Variants in XKR4 observed in about 807,000 individuals in gnomAD.
XKR4 encodes the protein XK-related protein 4.
A neutral mutation model predicts 53.9 loss-of-function variants in XKR4; 12 were observed. That is an observed-to-expected ratio of 0.22 (90% CI 0.14 to 0.36). The LOEUF (loss-of-function observed/expected upper bound fraction) is 0.36, where lower values mean the gene tolerates loss of function less well. Among genes scored for constraint, XKR4 ranks in the 10% least tolerant of loss-of-function variants. The pLI is 1.00. For synonymous variants in XKR4, 354 were observed against 362.4 expected, an observed-to-expected ratio of 0.98 and a Z score of 0.26; for missense variants, 799 against 859.5, an observed-to-expected ratio of 0.93 and a Z score of 0.88.
rs114745058 is a variant in XKR4 at position 55,436,079 on chromosome 8, C to T, written c.1006+78202C>T. ...TTTATTAAGCACACCATTTTTCCTG[C>T]GTATGGAATTCTGTTCTCTCTCAAT... On this transcript the variant is annotated intron_variant, in intron 2 of 2. Coordinates refer to ENST00000327381, the MANE Select transcript of XKR4 (RefSeq NM_052898.2). 5.2e-4 allele frequency among the ~76,000 whole-genome samples: 79 copies of T among 152,234 alleles called. 1 individual carries two copies. Among genetic ancestry groups the T allele is most frequent in the Middle Eastern group, 6.8e-3 (2 of 294 alleles).
At chr8:55,324,674 T>A in intron 1 of XKR4, among the ~76,000 whole-genome samples, 1 of 152,222 alleles carries the variant, frequency 6.6e-6, no homozygotes, top group Non-Finnish European at 1.5e-5. Flanking sequence ...ATGCATTTGA[T>A]TTTGTGTTAG....
chr8:55,139,739 C>T (rs1026089039), intron 1 of XKR4, among the ~76,000 whole-genome samples: 3 of 151,930 alleles, frequency 2.0e-5, no homozygotes, highest in African/African-American at 4.8e-5. Context: ...TCCAATTCCT[C>T]ATTTGCAAAA....
chr8:55,183,118 G>A (rs1241097210), intron 1 of XKR4, among the ~76,000 whole-genome samples: 1 of 151,862 alleles, frequency 6.6e-6, no homozygotes. Flanking sequence ...TTATCCCCAA[G>A]ATTAGTAATT....
intron 1 of XKR4, among the ~76,000 whole-genome samples, chr8:55,334,100 A>T (rs927081937): frequency 6.6e-6 from 1 of 152,142 alleles, no homozygotes; most frequent in Admixed American, 6.5e-5. Context: ...TGAAAGAAGG[A>T]AATGAAAGAC....
intron 1 of XKR4, among the ~76,000 whole-genome samples, chr8:55,303,444 T>C (rs1267464992): frequency 6.6e-6 from 1 of 152,208 alleles, no homozygotes; most frequent in Admixed American, 6.5e-5. Flanking sequence ...TCAAGGATAT[T>C]GGTCTAAAAT....
intron 1 of XKR4, among the ~76,000 whole-genome samples, chr8:55,192,250 T>A (rs897338689): frequency 6.9e-6 from 1 of 145,314 alleles, no homozygotes; most frequent in Non-Finnish European, 1.5e-5. Flanking sequence ...TTTGTTGAAA[T>A]CCTGTGCTAG....
intron 1 of XKR4, among the ~76,000 whole-genome samples, chr8:55,306,539 C>A (rs990375280): frequency 6.6e-6 from 1 of 152,168 alleles, no homozygotes; most frequent in African/African-American, 2.4e-5. Flanking sequence ...AGGAACAAGT[C>A]ACATCACATG....
intron 2 of XKR4, among the ~76,000 whole-genome samples, chr8:55,374,223 A>G (rs953268986): frequency 4.4e-4 from 67 of 152,242 alleles, no homozygotes; most frequent in Non-Finnish European, 4.4e-5. Context: ...TACGATAAAC[A>G]TGCAGTGGGC....
At chr8:55,454,093 G>A (rs1805510758) in intron 2 of XKR4, 2 of 821,914 alleles carry the variant, frequency 2.4e-6, no homozygotes, top group Admixed American at 3.5e-5. Context: ...TATTCAAGGA[G>A]GAGGGGGACG....
chr8:55,310,540 G>A (rs1470293636), intron 1 of XKR4, among the ~76,000 whole-genome samples: 1 of 152,138 alleles, frequency 6.6e-6, no homozygotes, highest in South Asian at 2.1e-4. Context: ...TCTTTTCAAA[G>A]TATCTTTTCA....
intron 1 of XKR4, among the ~76,000 whole-genome samples, chr8:55,331,269 TCTA>T (rs1803381284): frequency 6.6e-6 from 1 of 152,350 alleles, no homozygotes; most frequent in East Asian, 1.9e-4. Flanking sequence ...TTCCAGTTTT[TCTA>T]CTGCCATTGA....
At chr8:55,270,439 C>G (rs563727533) in intron 1 of XKR4, among the ~76,000 whole-genome samples, 1 of 152,298 alleles carries the variant, frequency 6.6e-6, no homozygotes, top group African/African-American at 2.4e-5. Context: ...GAGTTTCCTT[C>G]ACGAACTGCC....
At chr8:55,465,345 A>G (rs146987212) in intron 2 of XKR4, among the ~76,000 whole-genome samples, 61,249 of 151,818 alleles carry the variant, frequency 0.4, 13,139 homozygotes, top group East Asian at 0.53. Context: ...ATCTACAACC[A>G]TCTGATCTTT....
chr8:55,398,226 C>G (rs1260786293), intron 2 of XKR4, among the ~76,000 whole-genome samples: 1 of 152,136 alleles, frequency 6.6e-6, no homozygotes, highest in Non-Finnish European at 1.5e-5. Context: ...GTAGACCTGA[C>G]CCCACACCTG....
chr8:55,171,457 G>C (rs1219725402), intron 1 of XKR4, among the ~76,000 whole-genome samples: 1 of 152,098 alleles, frequency 6.6e-6, no homozygotes, highest in African/African-American at 2.4e-5. Flanking sequence ...CTACAACATG[G>C]ATATGGCAGG....
At position 55,335,810 on chromosome 8, in the gene XKR4, A is replaced by C. The variant is rs1220126809; in HGVS notation, c.807-21868A>C. ...CAAAGACATTATGCCGAATGAAAAAAATCTAATCTCAAAATGTTATACACC... is the reference window on the plus strand; with the variant it reads ...CAAAGACATTATGCCGAATGAAAAACATCTAATCTCAAAATGTTATACACC... On this transcript the variant is annotated intron_variant, in intron 1 of 2. Coordinates refer to ENST00000327381, the MANE Select transcript of XKR4 (RefSeq NM_052898.2). Among the ~76,000 whole-genome samples, 4 of 152,272 alleles carry C rather than the reference A, an allele frequency of 2.6e-5. No homozygotes were observed. In the South Asian group the frequency reaches 8.3e-4, roughly 32 times the overall value.
chr8:55,425,727 T>G (rs1805002845), intron 2 of XKR4, among the ~76,000 whole-genome samples: 1 of 152,180 alleles, frequency 6.6e-6, no homozygotes, highest in African/African-American at 2.4e-5. Context: ...CTGATGACTG[T>G]GTCAAGCTCA....
chr8:55,190,188 T>C (rs556492566), intron 1 of XKR4, among the ~76,000 whole-genome samples: 1 of 152,142 alleles, frequency 6.6e-6, no homozygotes, highest in South Asian at 2.1e-4. Context: ...CCTAAGCATG[T>C]GGGAGCAGAA....
chr8:55,110,940 G>A (rs1370007331), intron 1 of XKR4, among the ~76,000 whole-genome samples: 5 of 152,088 alleles, frequency 3.3e-5, no homozygotes. Context: ...ATTGCTGATT[G>A]TAGGAGAAAC....
Sources: gnomAD v4.1 joint callset for allele counts (sites outside exome capture counted in the v4.1 genomes callset) on GRCh38, gnomAD v4.1.1 for gene constraint, MANE v1.5 for transcripts, NCBI Gene and HGNC (gene_info 2026-07-23, HGNC 2026-07-21) for gene names.